The following SNN variants were observed in gnomAD, a reference collection of about 807,000 sequenced individuals.
SNN encodes AG8_1.
In SNN, 5 loss-of-function variants were observed where a neutral mutation model predicts 5.3. The ratio of observed to expected loss-of-function variants is 0.94; its 90% confidence interval spans 0.49 to 1.97. The LOEUF is 1.97. Among genes scored for constraint, SNN ranks in the 30% most tolerant of loss-of-function variants. The pLI is 0.01. For missense variants in SNN, 127 were observed against 121.6 expected (o/e 1.04, Z -0.21); for synonymous variants, 67 against 52.1 (o/e 1.29, Z -1.24).
At position 11,668,795 on chromosome 16, in the gene SNN, G is replaced by T. The variant is rs1380494794; in HGVS notation, c.-86+255G>T. Among the ~76,000 whole-genome samples, 1 of 151,376 alleles carries T rather than the reference G, an allele frequency of 6.6e-6. No homozygotes were observed. The highest frequency in any genetic ancestry group is 2.4e-5 in the African/African-American group (1 of 41,318). ...ACAAAGGAGGCGGCGGGGGGCGGAG[G>T]CCGCTTTGTGGGGATCGCGGGGCGC... On this transcript the variant is annotated intron_variant, in intron 1 of 1. Coordinates refer to ENST00000329565, the MANE Select transcript of SNN (RefSeq NM_003498.6). This position sits in a 1 kb window ranked among gnomAD's most constrained non-coding sequence, Gnocchi z 6.8.
rs1187546308 is a variant in SNN at position 11,678,671 on chromosome 16, G to C, written c.*2345G>C. 1 of 168,546 alleles carries C rather than the reference G, an allele frequency of 5.9e-6. No individual in the cohort carries two copies. The highest frequency in any genetic ancestry group is 1.4e-5 in the Non-Finnish European group (1 of 69,194). 10.4% of individuals were successfully genotyped at this position (168,546 alleles called of 1,614,324 possible). A position where few individuals can be genotyped will look rare whatever the true frequency, so the allele number is the denominator to read the frequency against. ...TGGGTGAAGGTCCGGGGCTCGGTGA[G>C]GCACTGGGGGGGTTTTCGGGAGGAA... is the stretch of plus-strand genomic sequence containing the variant. On this transcript the variant is annotated 3_prime_UTR_variant, in exon 2 of 2. Coordinates refer to ENST00000329565, the MANE Select transcript of SNN (RefSeq NM_003498.6).
intron 1 of SNN, among the ~76,000 whole-genome samples, chr16:11,673,168 C>T (rs944738193): frequency 6.6e-6 from 1 of 152,092 alleles, no homozygotes; most frequent in South Asian, 2.1e-4. Context: ...CGAGTGTAGA[C>T]AGGCTCACCC....
In SNN at chr16:11,672,811, C is replaced by T. The variant is rs1261329489; in HGVS notation, c.-85-3164C>T. ...TTAGAGAATCCCTTTGAGCTGGGGC[C>T]GCCTGTGCCTCAGTTTCCTCATTAG... On this transcript the variant is annotated intron_variant, in intron 1 of 1. Transcript: ENST00000329565. The surrounding 1 kb of genome is among the most constrained non-coding windows in gnomAD (Gnocchi z 6.0). 4.6e-5 allele frequency among the ~76,000 whole-genome samples: 7 copies of T among 151,990 alleles called. No homozygotes were observed. Among genetic ancestry groups the T allele is most frequent in the East Asian group, 3.9e-4 (2 of 5,174 alleles).
chr16:11,676,478 G>A lies in SNN; in HGVS notation c.*152G>A, dbSNP rs112174821. On this transcript the variant is annotated 3_prime_UTR_variant, in exon 2 of 2. Transcript: ENST00000329565. ...TCGTCATCGCATGCACTGATGCCCG[G>A]GGACCTGGCTGTCCTGGGCTTCCCC... 3.7e-3 allele frequency: 3,627 copies of A among 972,568 alleles called. 10 individuals carry two copies. Among genetic ancestry groups the A allele is most frequent in the Non-Finnish European group, 5.0e-3 (3,338 of 662,588 alleles). 60.2% of individuals were successfully genotyped at this position (972,568 alleles called of 1,614,324 possible).
chr16:11,671,953 G>A lies in SNN; in HGVS notation c.-86+3413G>A, dbSNP rs911678736. ...GGCCTGCCCTAATCCACTGGCACTC[G>A]CCGTTCTGTCCCCACACTAGGCCTG... On this transcript the variant is annotated intron_variant, in intron 1 of 1. Coordinates refer to ENST00000329565, the MANE Select transcript of SNN (RefSeq NM_003498.6). The surrounding 1 kb of genome is among the most constrained non-coding windows in gnomAD (Gnocchi z 4.7). Among the ~76,000 whole-genome samples the A allele has an allele frequency of 8.5e-5, 13 of 152,120 alleles. No individual in the cohort carries two copies. The highest frequency in any genetic ancestry group is 2.9e-4 in the African/African-American group (12 of 41,414).
chr16:11,675,867 A>C, intron 1 of SNN, 108 bp from the exon 2 acceptor site: 254 of 530,178 alleles, frequency 4.8e-4, no homozygotes, highest in East Asian at 5.6e-4. Flanking sequence ...AACGCCGGCC[A>C]GCATGCTTTT....
chr16:11,678,843 G>C lies in SNN; in HGVS notation c.*2517G>C. 3.9e-6 allele frequency: 1 copy of C among 257,936 alleles called. No individual in the cohort carries two copies. The highest frequency in any genetic ancestry group is 8.0e-6 in the Non-Finnish European group (1 of 124,476). 16.0% of individuals were successfully genotyped at this position (257,936 alleles called of 1,614,324 possible). A position where few individuals can be genotyped will look rare whatever the true frequency, so the allele number is the denominator to read the frequency against. On this transcript the variant is annotated 3_prime_UTR_variant, in exon 2 of 2. Coordinates refer to ENST00000329565, the MANE Select transcript of SNN (RefSeq NM_003498.6). ...GATTATTTTTGAATGCCCAACTGTT[G>C]CATTCAAGTTTTCTGACTAATAAGA... is the stretch of plus-strand genomic sequence containing the variant.
rs755344205 is a variant in SNN, at chr16:11,676,272, C to T, written c.213C>T (p.Cys71=). ...TGCAGTATTCGGCCAAGGGACCGTG[C>T]GTGGAGAGAAAGGCCAAGCTGATGA... ...LLVQYSAKGP[C]VERKAKLMTP... is the part of the protein sequence containing the mutation. The change falls in exon 2 of 2, where the codon TGC becomes TGT. Residue 71 remains cysteine, a synonymous_variant. Transcript: ENST00000329565. 26 of 1,614,006 alleles carry T rather than the reference C, an allele frequency of 1.6e-5. No individual in the cohort carries two copies. In the Admixed American group the frequency reaches 3.2e-4, roughly 20 times the overall value.
At chr16:11,674,148 T>A (rs1165073106) in intron 1 of SNN, among the ~76,000 whole-genome samples, 1 of 152,214 alleles carries the variant, frequency 6.6e-6, no homozygotes, top group African/African-American at 2.4e-5. Flanking sequence ...AGGGAAAACC[T>A]CCTTCCAGTG....
chr16:11,669,890 TG>T (rs1224047892), intron 1 of SNN, among the ~76,000 whole-genome samples: 2 of 149,780 alleles, frequency 1.3e-5, no homozygotes, highest in Non-Finnish European at 3.0e-5. Flanking sequence ...CTTCTGAGGA[TG>T]GGGGTGTCAT....
intron 1 of SNN, among the ~76,000 whole-genome samples, chr16:11,669,966 C>T (rs960482380): frequency 2.4e-4 from 37 of 152,212 alleles, no homozygotes; most frequent in Middle Eastern, 3.2e-3. Context: ...CAGTGTCAGT[C>T]CCACTGGCAT....
chr16:11,672,545 A>G lies in SNN; in HGVS notation c.-85-3430A>G, dbSNP rs182615050. ...GCTTGGATTCTCTTTGGTGCTGGGGAGGATTCTGAGTGGGGAGAACGCCAT... is the reference window on the plus strand; with the variant it reads ...GCTTGGATTCTCTTTGGTGCTGGGGGGGATTCTGAGTGGGGAGAACGCCAT... On this transcript the variant is annotated intron_variant, in intron 1 of 1. Coordinates refer to ENST00000329565, the MANE Select transcript of SNN (RefSeq NM_003498.6). The surrounding 1 kb of genome is among the most constrained non-coding windows in gnomAD (Gnocchi z 6.0). Among the ~76,000 whole-genome samples, 98 of 152,198 alleles carry G rather than the reference A, an allele frequency of 6.4e-4. 1 individual carries two copies. The highest frequency in any genetic ancestry group is 2.2e-3 in the African/African-American group (93 of 41,522).
At chr16:11,674,756 C>T (rs1421300499) in intron 1 of SNN, among the ~76,000 whole-genome samples, 1 of 152,362 alleles carries the variant, frequency 6.6e-6, no homozygotes, top group Admixed American at 6.5e-5. Flanking sequence ...ACCGTGCCCC[C>T]TGCCAGGAAC....
rs1223296239 is a variant in SNN, at chr16:11,675,952, C to T, written c.-85-23C>T. On this transcript the variant is annotated intron_variant, in intron 1 of 1. Transcript: ENST00000329565. ...CCCCGTGGAAGTGCTAACCGCAGCT[C>T]GTCAACCTGCTTTGTCTTTCAGGAC... is the stretch of plus-strand genomic sequence containing the variant. The T allele has an allele frequency of 5.6e-6, 7 of 1,242,294 alleles. No homozygotes were observed. In the East Asian group the frequency reaches 7.4e-5, roughly 13 times the overall value. 77.0% of individuals were successfully genotyped at this position (1,242,294 alleles called of 1,614,324 possible).
At chr16:11,669,663 C>T (rs148086373) in intron 1 of SNN, among the ~76,000 whole-genome samples, 19 of 152,212 alleles carry the variant, frequency 1.2e-4, no homozygotes, top group Admixed American at 9.8e-4. Flanking sequence ...CAACTTTCTC[C>T]GGCATCTACA....
rs2050272432 is a variant in SNN at position 11,672,568 on chromosome 16, C to T, written c.-85-3407C>T. On this transcript the variant is annotated intron_variant, in intron 1 of 1. Transcript: ENST00000329565. The surrounding 1 kb of genome is among the most constrained non-coding windows in gnomAD (Gnocchi z 6.0). The stretch of plus-strand genomic sequence containing the variant: ...GGAGGATTCTGAGTGGGGAGAACGC[C>T]ATCACATTTTTGCAAAGATCGTTTC... Among the ~76,000 whole-genome samples, 1 of 152,178 alleles carries T rather than the reference C, an allele frequency of 6.6e-6. No individual in the cohort carries two copies. The highest frequency in any genetic ancestry group is 2.4e-5 in the African/African-American group (1 of 41,448).
At position 11,674,965 on chromosome 16, in the gene SNN, G is replaced by A. The variant is rs369144660; in HGVS notation, c.-85-1010G>A. On this transcript the variant is annotated intron_variant, in intron 1 of 1. Transcript: ENST00000329565. ...AGGGAGCCTCTGTCTCACCCTCCCT[G>A]CCTCCCCGAAGCTTTCCCAAGTGCC... is the stretch of plus-strand genomic sequence containing the variant. Among the ~76,000 whole-genome samples the A allele has an allele frequency of 5.3e-5, 8 of 152,252 alleles. No homozygotes were observed. In the East Asian group the frequency reaches 1.5e-3, roughly 29 times the overall value.
At chr16:11,674,861 T>A (rs2050288178) in intron 1 of SNN, among the ~76,000 whole-genome samples, 1 of 152,184 alleles carries the variant, frequency 6.6e-6, no homozygotes, top group South Asian at 2.1e-4. Context: ...AATGGCACCC[T>A]GTATTGTGAG....
intron 1 of SNN, among the ~76,000 whole-genome samples, chr16:11,674,655 G>A (rs547236193): frequency 6.6e-6 from 1 of 152,346 alleles, no homozygotes; most frequent in South Asian, 2.1e-4. Flanking sequence ...CCTGGGAGGG[G>A]CCTCATCCCC....
Sources: allele counts gnomAD v4.1 joint callset (sites outside exome capture counted in the v4.1 genomes callset), GRCh38; gene constraint gnomAD v4.1.1; non-coding constraint Gnocchi (gnomAD v3.1); transcripts MANE v1.5; gene names NCBI Gene and HGNC (gene_info 2026-07-23, HGNC 2026-07-21).